SARM1: variants seen among roughly 807,000 people sequenced by gnomAD.
SARM1 encodes sterile alpha and TIR motif containing 1, also known as NAD(+) hydrolase SARM1.
In SARM1, 60 loss-of-function variants were observed where a neutral mutation model predicts 65.1. The ratio of observed to expected loss-of-function variants is 0.92; its 90% CI spans 0.75 to 1.14. SARM1 has a LOEUF of 1.14. Among genes scored for constraint, SARM1 ranks in the 50% most tolerant of loss-of-function variants. The probability of loss-of-function intolerance (pLI) is 0.00; values close to 1 mark genes in which losing one functional copy is unlikely to be tolerated. For missense variants in SARM1, 913 were observed against 1,015.7 expected (o/e 0.90, Z 1.37); for synonymous variants, 417 against 465.4 (o/e 0.90, Z 1.34).
Position 28,398,141 on chromosome 17 carries a change from C to T in SARM1, c.*1855C>T, listed in dbSNP as rs2068153829. The T allele has an allele frequency of 1.3e-5, 2 of 152,340 alleles. 1 individual carries two copies. Among genetic ancestry groups the T allele is most frequent in the South Asian group, 4.1e-4 (2 of 4,838 alleles). 9.4% of individuals were successfully genotyped at this position (152,340 alleles called of 1,614,324 possible). A position where few individuals can be genotyped will look rare whatever the true frequency, so the allele number is the denominator to read the frequency against. ...TGCCCTCACAGGACAGCGCCAATAA[C>T]AATACAGTGTCTGAGTATCTCCAGG... On this transcript the variant is annotated 3_prime_UTR_variant, in exon 9 of 9. Transcript: ENST00000585482.
chr17:28,384,458 G>A lies in SARM1; in HGVS notation c.1191G>A (p.Leu397=). 6.2e-7 allele frequency: 1 copy of A among 1,613,572 alleles called. No individual in the cohort carries two copies. Among genetic ancestry groups the A allele is most frequent in the Non-Finnish European group, 8.5e-7 (1 of 1,179,680 alleles). ...TGGCCAAGCGCGCGCTGCGCCTGCT[G>A]GGCGAGGAGGTGCCACGGCCCATCC... is the stretch of plus-strand genomic sequence containing the variant. ...SALAKRALRL[L]GEEVPRPILP... The change falls in exon 3 of 9, where the codon CTG becomes CTA. Residue 397 remains leucine, a synonymous_variant. Transcript: ENST00000585482. This position sits in a 1 kb window ranked among gnomAD's most constrained non-coding sequence, Gnocchi z 4.4.
chr17:28,372,362 C>A lies in SARM1; in HGVS notation c.330C>A (p.Arg110=). ...EEAWLLPAVG[R]EVAQGLCDAI... is the part of the protein sequence containing the mutation. ...CCTGGCTGCTGCCGGCCGTGGGCCG[C>A]GAGGTAGCCCAGGGTCTGTGCGACG... The change falls in exon 1 of 9, where the codon CGC becomes CGA. Residue 110 remains arginine (R), a synonymous_variant. Coordinates refer to ENST00000585482, the MANE Select transcript of SARM1 (RefSeq NM_015077.4). The surrounding 1 kb of genome is among the most constrained non-coding windows in gnomAD (Gnocchi z 5.2). The A allele has an allele frequency of 6.6e-7, 1 of 1,505,610 alleles. No homozygotes were observed. Among genetic ancestry groups the A allele is most frequent in the South Asian group, 1.2e-5 (1 of 81,844 alleles). 93.3% of individuals were successfully genotyped at this position (1,505,610 alleles called of 1,614,324 possible).
chr17:28,381,825 G>T lies in SARM1; in HGVS notation c.1089+4G>T. Reference sequence around the variant, plus strand: ...GAGCCTGCAAGGCAAGACCAAGGTGGGTGCAGATGTGGGGTTGGGTGGATC... The same window carrying T: ...GAGCCTGCAAGGCAAGACCAAGGTGTGTGCAGATGTGGGGTTGGGTGGATC... On this transcript the variant is annotated splice_donor_region_variant and intron_variant, in intron 2 of 8. Transcript: ENST00000585482. 7.0e-7 allele frequency: 1 copy of T among 1,438,262 alleles called. No individual in the cohort carries two copies. 89.1% of individuals were successfully genotyped at this position (1,438,262 alleles called of 1,614,324 possible). A position where few individuals can be genotyped will look rare whatever the true frequency, so the allele number is the denominator to read the frequency against.
At chr17:28,386,347 A>G (rs1437800276) in intron 5 of SARM1, among the ~76,000 whole-genome samples, 1 of 152,150 alleles carries the variant, frequency 6.6e-6, no homozygotes, top group Admixed American at 6.6e-5. Context: ...GAGTTTTGAA[A>G]GACATCTGTG....
chr17:28,383,986 G>A (rs560528805), intron 2 of SARM1, among the ~76,000 whole-genome samples: 2 of 152,334 alleles, frequency 1.3e-5, no homozygotes, highest in African/African-American at 4.8e-5. Context: ...GTGTGCATGT[G>A]CGTGTGTGTG....
At chr17:28,396,057 T>A (rs781790508) in intron 8 of SARM1, 31 bp downstream of exon 8, 1 of 1,612,934 alleles carries the variant, frequency 6.2e-7, no homozygotes, top group Non-Finnish European at 8.5e-7. Flanking sequence ...ACCAGGGGGG[T>A]AGGGTACAAA....
rs1555585664 is a variant in SARM1, at chr17:28,384,567, C to T, written c.1300C>T (p.Arg434Trp). Residue 434 changes from arginine to tryptophan, a missense_variant and splice_region_variant, in exon 3 of 9, where the codon CGG becomes TGG. By Grantham distance (101) the Arg-to-Trp change is moderately radical. Coordinates refer to ENST00000585482, the MANE Select transcript of SARM1 (RefSeq NM_015077.4). The surrounding 1 kb of genome is among the most constrained non-coding windows in gnomAD (Gnocchi z 4.4). Reference protein sequence around the residue: ...IGFSKYCESFREQQVDGDLLL... With the variant: ...IGFSKYCESFWEQQVDGDLLL... ...TTTCTCCAAGTACTGCGAGAGCTTC[C>T]GGGTAGAGTCGCGTGGGATACGCCT... 7 of 1,598,022 alleles carry T rather than the reference C, an allele frequency of 4.4e-6. No individual in the cohort carries two copies. The East Asian group carries it at 1.6e-4, about 36-fold the overall frequency.
At position 28,384,370 on chromosome 17, in the gene SARM1, T is replaced by G; in HGVS notation, c.1103T>G (p.Ile368Ser). 2 of 1,593,536 alleles carry G rather than the reference T, an allele frequency of 1.3e-6. No individual in the cohort carries two copies. The highest frequency in any genetic ancestry group is 1.7e-6 in the Non-Finnish European group (2 of 1,168,706). ...CTCCCTCCCTAGGTGTTCAGCGACA[T>G]CGGCGCCATCCAGAGCCTGAAACGC... ...LQGKTKVFSD[I>S]GAIQSLKRLV... is the part of the protein sequence containing the mutation. Residue 368 changes from isoleucine to serine, a missense_variant, in exon 3 of 9, where the codon ATC becomes AGC. This residue lies in a region of SARM1 where 862 missense variants were observed against 952.1 expected (regional missense o/e 0.91). Coordinates refer to ENST00000585482, the MANE Select transcript of SARM1 (RefSeq NM_015077.4). The surrounding 1 kb of genome is among the most constrained non-coding windows in gnomAD (Gnocchi z 4.4).
Position 28,401,556 on chromosome 17 carries a change from T to C in SARM1, c.*5270T>C, listed in dbSNP as rs765876552. On this transcript the variant is annotated 3_prime_UTR_variant, in exon 9 of 9. Transcript: ENST00000585482. ...GACCCAGAGGCTGGAGAAGCTGTTC[T>C]TTATAGATATACCAGGAGAACCCAC... The C allele has an allele frequency of 1.3e-5, 2 of 152,406 alleles. No homozygotes were observed. The highest frequency in any genetic ancestry group is 2.9e-5 in the Non-Finnish European group (2 of 68,188). 9.4% of individuals were successfully genotyped at this position (152,406 alleles called of 1,614,324 possible).
chr17:28,398,595 G>A lies in SARM1; in HGVS notation c.*2309G>A, dbSNP rs958158025. The A allele has an allele frequency of 5.9e-5, 9 of 152,678 alleles. No homozygotes were observed. The highest frequency in any genetic ancestry group is 1.9e-4 in the East Asian group (1 of 5,198). 9.5% of individuals were successfully genotyped at this position (152,678 alleles called of 1,614,324 possible). A position where few individuals can be genotyped will look rare whatever the true frequency, so the allele number is the denominator to read the frequency against. On this transcript the variant is annotated 3_prime_UTR_variant, in exon 9 of 9. Transcript: ENST00000585482. ...GGCTGGGCTGCAGCTGCTACCCCTC[G>A]GTTGGGGCTGAGTCAGCCAGATCCT...
chr17:28,390,325 A>C (rs2068073736), intron 7 of SARM1, among the ~76,000 whole-genome samples: 3 of 152,166 alleles, frequency 2.0e-5, no homozygotes, highest in African/African-American at 7.2e-5. Context: ...CAGACTTCAG[A>C]GGGAGTAGGT....
At chr17:28,394,074 T>C (rs2068095034) in intron 7 of SARM1, among the ~76,000 whole-genome samples, 1 of 152,238 alleles carries the variant, frequency 6.6e-6, no homozygotes, top group South Asian at 2.1e-4. Context: ...AGAAGTGGAC[T>C]GTGGCCAACC....
chr17:28,395,738 A>AT, intron 7 of SARM1, 167 bp from the exon 8 acceptor site: 1 of 667,914 alleles, frequency 1.5e-6, no homozygotes, highest in Non-Finnish European at 2.5e-6. Context: ...AAAAATATTT[A>AT]TTTTTTATTA....
chr17:28,392,713 C>T (rs1293109927), intron 7 of SARM1, among the ~76,000 whole-genome samples: 34 of 152,038 alleles, frequency 2.2e-4, no homozygotes, highest in Admixed American at 2.1e-3. Context: ...TAAAATGGAG[C>T]GGCTCCCCAG....
intron 8 of SARM1, 43 bp from the exon 9 acceptor site, chr17:28,396,114 C>T: frequency 6.2e-7 from 1 of 1,613,830 alleles, no homozygotes; most frequent in Non-Finnish European, 8.5e-7. Flanking sequence ...TAGCAGCTCC[C>T]TCTGCCCAGC....
rs782810421 is a variant in SARM1 at position 28,399,731 on chromosome 17, G to A, written c.*3445G>A. The A allele has an allele frequency of 1.9e-6, 3 of 1,613,800 alleles. No homozygotes were observed. The South Asian group carries it at 3.3e-5, about 18-fold the overall frequency. ...CCAGCATCCTGTGAGAGACCAGAGA[G>A]AGAGTTTGGATTTCATGTGGGGAAC... On this transcript the variant is annotated 3_prime_UTR_variant, in exon 9 of 9. Transcript: ENST00000585482.
At chr17:28,380,961 A>G (rs1308480849) in intron 1 of SARM1, among the ~76,000 whole-genome samples, 1 of 152,142 alleles carries the variant, frequency 6.6e-6, no homozygotes, top group African/African-American at 2.4e-5. Flanking sequence ...CACCACACAT[A>G]CTGCCTCTCA....
At chr17:28,390,936 C>G (rs2068076997) in intron 7 of SARM1, among the ~76,000 whole-genome samples, 1 of 152,160 alleles carries the variant, frequency 6.6e-6, no homozygotes, top group Non-Finnish European at 1.5e-5. Flanking sequence ...AATAATGTTC[C>G]CCTGGCTGCA....
intron 7 of SARM1, among the ~76,000 whole-genome samples, chr17:28,391,353 A>G (rs1198376356): frequency 2.0e-5 from 3 of 152,180 alleles, no homozygotes; most frequent in African/African-American, 7.2e-5. Flanking sequence ...GCAGGAGAAG[A>G]CCTGTGCTTA....
Sources: allele counts gnomAD v4.1 joint callset (sites outside exome capture counted in the v4.1 genomes callset), GRCh38; gene constraint gnomAD v4.1.1; regional missense constraint gnomAD v4.1.1; non-coding constraint Gnocchi (gnomAD v3.1); transcripts MANE v1.5; gene names NCBI Gene and HGNC (gene_info 2026-07-23, HGNC 2026-07-21).